ELMO1: variants seen among roughly 807,000 people sequenced by gnomAD.
ELMO1 encodes the protein engulfment and cell motility protein 1.
In ELMO1, 26 loss-of-function variants were observed where a neutral mutation model predicts 98.9. That is an observed-to-expected ratio of 0.26 (90% CI 0.19 to 0.36). The LOEUF (loss-of-function observed/expected upper bound fraction) is 0.36, where lower values mean the gene tolerates loss of function less well. ELMO1 is among the 10% of genes least tolerant of loss of function. ELMO1 has a pLI of 1.00. For synonymous variants in ELMO1, 346 were observed against 346.0 expected, an observed-to-expected ratio of 1.00 and a Z score of 0.00; for missense variants, 627 against 935.2, an observed-to-expected ratio of 0.67 and a Z score of 4.30.
chr7:37,419,305 A>T (rs1804369037), intron 1 of ELMO1, among the ~76,000 whole-genome samples: 1 of 152,232 alleles, frequency 6.6e-6, no homozygotes, highest in South Asian at 2.1e-4. Flanking sequence ...GTACTTGGTG[A>T]ACAGCAGAAT....
At chr7:36,911,053 G>A (rs564307010) in intron 16 of ELMO1, among the ~76,000 whole-genome samples, 2 of 152,246 alleles carry the variant, frequency 1.3e-5, no homozygotes, top group South Asian at 4.1e-4. Flanking sequence ...AGTTGCCAAC[G>A]GAACTTACAG....
At chr7:37,091,117 A>T (rs1274277629) in intron 15 of ELMO1, among the ~76,000 whole-genome samples, 4 of 152,080 alleles carry the variant, frequency 2.6e-5, no homozygotes, top group Non-Finnish European at 5.9e-5. Context: ...TTATGTTTTT[A>T]GTTTTTTGAG....
intron 9 of ELMO1, 96 bp from the exon 10 acceptor site, chr7:37,222,789 C>T (rs1043691621): frequency 5.5e-6 from 6 of 1,085,422 alleles, no homozygotes; most frequent in African/African-American, 1.6e-5. Context: ...TCAGCCCCCT[C>T]CCCCCAAAAA....
intron 2 of ELMO1, among the ~76,000 whole-genome samples, chr7:37,339,728 G>A (rs536735864): frequency 2.6e-5 from 4 of 151,984 alleles, no homozygotes; most frequent in Non-Finnish European, 4.4e-5. Context: ...TTAGGAACTG[G>A]GTTCCTAATT....
At chr7:37,238,123 T>C (rs1794576956) in intron 7 of ELMO1, among the ~76,000 whole-genome samples, 2 of 152,208 alleles carry the variant, frequency 1.3e-5, no homozygotes, top group South Asian at 2.1e-4. Flanking sequence ...TGGCTCTGTG[T>C]CCCTGCCAAA....
Position 36,936,445 on chromosome 7 carries a change from C to A in ELMO1, c.1438-41428G>T, listed in dbSNP as rs117591503. Among the ~76,000 whole-genome samples the A allele has an allele frequency of 7.1e-3, 1,074 of 152,260 alleles. 3 individuals carry two copies. Among genetic ancestry groups the A allele is most frequent in the Middle Eastern group, 0.01 (3 of 294 alleles). On this transcript the variant is annotated intron_variant, in intron 16 of 21. Transcript: ENST00000310758. Reference sequence around the variant, plus strand: ...TCTAGTTAAAGAGCCAACACATTTTCTTCTCTCGATTTTTTAGTTTTATTT... The same window carrying A: ...TCTAGTTAAAGAGCCAACACATTTTATTCTCTCGATTTTTTAGTTTTATTT...
In ELMO1 at chr7:36,872,932, G is replaced by T. The variant is rs1811266; in HGVS notation, c.1823-2457C>A. On this transcript the variant is annotated intron_variant, in intron 19 of 21. Coordinates refer to ENST00000310758, the MANE Select transcript of ELMO1 (RefSeq NM_014800.11). The stretch of plus-strand genomic sequence containing the variant: ...GCTACAATTGGTAAGTTAGCCCTTA[G>T]CTTTGAAAACCCATTGTATGGAATG... 6.8e-3 allele frequency among the ~76,000 whole-genome samples: 1,036 copies of T among 152,306 alleles called. 11 individuals carry two copies. Among genetic ancestry groups the T allele is most frequent in the African/African-American group, 0.023 (967 of 41,564 alleles).
intron 13 of ELMO1, among the ~76,000 whole-genome samples, chr7:37,136,725 C>T (rs1787286291): frequency 6.6e-6 from 1 of 150,992 alleles, no homozygotes; most frequent in African/African-American, 2.5e-5. Context: ...CTAAAAGGAG[C>T]TCTAAATCTT....
At chr7:37,333,719 T>C (rs528710469) in intron 2 of ELMO1, among the ~76,000 whole-genome samples, 4 of 152,308 alleles carry the variant, frequency 2.6e-5, no homozygotes, top group African/African-American at 9.6e-5. Flanking sequence ...TCTGTTACAT[T>C]ACCAAATCTA....
At chr7:37,040,087 G>A (rs909826723) in intron 15 of ELMO1, among the ~76,000 whole-genome samples, 1 of 152,006 alleles carries the variant, frequency 6.6e-6, no homozygotes, top group Non-Finnish European at 1.5e-5. Flanking sequence ...TTGAAATGGG[G>A]CTAGTGTGAC....
intron 20 of ELMO1, among the ~76,000 whole-genome samples, chr7:36,866,415 C>G (rs35552464): frequency 5.7e-4 from 87 of 152,268 alleles, no homozygotes; most frequent in South Asian, 1.2e-3. Context: ...AGACAGGACC[C>G]CAGCTACCCC....
intron 13 of ELMO1, among the ~76,000 whole-genome samples, chr7:37,157,335 G>A (rs894030298): frequency 6.6e-6 from 1 of 152,148 alleles, no homozygotes; most frequent in Admixed American, 6.5e-5. Flanking sequence ...GCAGGAGAAA[G>A]AAATAAAGGC....
chr7:37,338,865 C>G (rs2717948), intron 2 of ELMO1, among the ~76,000 whole-genome samples: 137,319 of 152,146 alleles, frequency 0.9, 62,244 homozygotes, highest in Non-Finnish European at 0.95. Context: ...AAGTCCATGT[C>G]TAAGAAGCTC....
At chr7:37,437,293 A>C (rs956243432) in intron 1 of ELMO1, among the ~76,000 whole-genome samples, 2 of 152,176 alleles carry the variant, frequency 1.3e-5, no homozygotes, top group African/African-American at 4.8e-5. Context: ...CTCTCCCCTC[A>C]AAGTAAAAAA....
intron 16 of ELMO1, among the ~76,000 whole-genome samples, chr7:36,933,610 C>T (rs778329037): frequency 1.3e-5 from 2 of 152,116 alleles, no homozygotes; most frequent in East Asian, 1.9e-4. Context: ...ATGTGTGCAA[C>T]GCTTTCCTGC....
intron 1 of ELMO1, among the ~76,000 whole-genome samples, chr7:37,394,452 G>A (rs927472762): frequency 2.0e-5 from 3 of 152,182 alleles, no homozygotes; most frequent in African/African-American, 7.2e-5. Context: ...TAAGAAACAG[G>A]AATCTCTGAA....
intron 13 of ELMO1, among the ~76,000 whole-genome samples, chr7:37,170,203 C>A (rs932583314): frequency 1.3e-5 from 2 of 152,206 alleles, no homozygotes; most frequent in African/African-American, 4.8e-5. Flanking sequence ...CCGCGCCTGG[C>A]GCAGATGCAC....
At chr7:36,954,609 G>T (rs1277683226) in intron 16 of ELMO1, among the ~76,000 whole-genome samples, 1 of 152,118 alleles carries the variant, frequency 6.6e-6, no homozygotes, top group East Asian at 1.9e-4. Context: ...TCTCAGCTGG[G>T]GTGCCTGTCA....
At chr7:37,247,839 G>T (rs577627674) in intron 6 of ELMO1, among the ~76,000 whole-genome samples, 1 of 152,204 alleles carries the variant, frequency 6.6e-6, no homozygotes, top group African/African-American at 2.4e-5. Context: ...AAGAGCAAGA[G>T]GGGATTTTCT....
Sources: allele counts gnomAD v4.1 joint callset (sites outside exome capture counted in the v4.1 genomes callset), GRCh38; gene constraint gnomAD v4.1.1; transcripts MANE v1.5; gene names NCBI Gene and HGNC (gene_info 2026-07-23, HGNC 2026-07-21).